PKHD1L1: variants seen among roughly 807,000 people sequenced by gnomAD.
PKHD1L1 encodes the protein fibrocystin-L.
In PKHD1L1, 434 loss-of-function variants were observed where a neutral mutation model predicts 462.9. The observed-to-expected ratio is 0.94, with a 90% confidence interval of 0.87 to 1.02. The LOEUF (loss-of-function observed/expected upper bound fraction) is 1.02, where lower values mean the gene tolerates loss of function less well. Among genes scored for constraint, PKHD1L1 ranks in the 50% least tolerant of loss-of-function variants. The pLI is 0.00. For missense variants in PKHD1L1, 5,202 were observed against 5,096.1 expected, an observed-to-expected ratio of 1.02 and a Z score of -0.63; for synonymous variants, 1,781 against 1,750.0, an observed-to-expected ratio of 1.02 and a Z score of -0.44.
At chr8:109,417,051 A>G (rs1321389450) in intron 21 of PKHD1L1, among the ~76,000 whole-genome samples, 1 of 152,146 alleles carries the variant, frequency 6.6e-6, no homozygotes, top group African/African-American at 2.4e-5. Flanking sequence ...TTTTTAGCCT[A>G]TAATTTGGGA....
chr8:109,400,442 A>G, intron 13 of PKHD1L1, 98 bp downstream of exon 13: 2 of 1,330,720 alleles, frequency 1.5e-6, no homozygotes, highest in Non-Finnish European at 2.0e-6. Context: ...CATTTTTAAA[A>G]TGTATGAGAA....
In PKHD1L1 at chr8:109,515,215, G is replaced by A. The variant is rs540846956; in HGVS notation, c.11599G>A (p.Val3867Ile). Residue 3867 changes from valine (V) to isoleucine (I), a missense_variant, in exon 72 of 78, where the codon GTC (valine) becomes ATC (isoleucine). By Grantham distance (29) the Val-to-Ile change is conservative. This residue lies in a region of PKHD1L1 where 698 missense variants were observed against 736.3 expected (regional missense o/e 0.95). Coordinates refer to ENST00000378402, the MANE Select transcript of PKHD1L1 (RefSeq NM_177531.6). Reference protein sequence around the residue: ...IFFSTLQRLDVYVNNLLVCPK... With the variant: ...IFFSTLQRLDIYVNNLLVCPK... The stretch of plus-strand genomic sequence containing the variant: ...CTTTTCCACACTTCAACGTTTGGAT[G>A]TCTATGTGAACAACTTATTGGTCTG... 2 of 1,604,034 alleles carry A rather than the reference G, an allele frequency of 1.2e-6. No individual in the cohort carries two copies. The highest frequency in any genetic ancestry group is 2.2e-5 in the East Asian group (1 of 44,578).
chr8:109,470,491 C>T, intron 50 of PKHD1L1: 2 of 1,610,086 alleles, frequency 1.2e-6, no homozygotes, highest in African/African-American at 1.3e-5. Flanking sequence ...GGAAGCATCA[C>T]AGCAACTGGC....
At position 109,461,872 on chromosome 8, in the gene PKHD1L1, T is replaced by C. The variant is rs1022420653; in HGVS notation, c.7347T>C (p.Gly2449=). Reference sequence around the variant, plus strand: ...TTATGTTTCATGCTCCTGTACCTGGTGCTAACATGGTAACTGGGAGAATAG... The same window carrying C: ...TTATGTTTCATGCTCCTGTACCTGGCGCTAACATGGTAACTGGGAGAATAG... ...GCVMFHAPVP[G]ANMVTGRIEY... is the part of the protein sequence containing the mutation. Residue 2449 remains glycine (G), a synonymous_variant, in exon 48 of 78, where the codon GGT becomes GGC. Transcript: ENST00000378402. The C allele has an allele frequency of 1.9e-6, 3 of 1,604,830 alleles. No homozygotes were observed. The highest frequency in any genetic ancestry group is 2.6e-6 in the Non-Finnish European group (3 of 1,175,244).
chr8:109,459,037 A>G (rs1816969799), intron 46 of PKHD1L1, among the ~76,000 whole-genome samples: 2 of 152,260 alleles, frequency 1.3e-5, no homozygotes, highest in South Asian at 4.1e-4. Flanking sequence ...GCTTCAACTC[A>G]ATCATTTCTT....
chr8:109,484,828 T>G (rs1006992926), intron 57 of PKHD1L1, among the ~76,000 whole-genome samples: 1 of 151,932 alleles, frequency 6.6e-6, no homozygotes, highest in African/African-American at 2.4e-5. Context: ...TGAATTAAAG[T>G]TAAGAAAATG....
chr8:109,444,859 G>C lies in PKHD1L1; in HGVS notation c.4990G>C (p.Val1664Leu). ...RFVLLPNIDL[V>L]LPNAGSTTGM... ...TGTACTTTTGCCAAACATTGACCTG[G>C]TGTTGCCAAATGCAGGATCAACTAC... The change falls in exon 38 of 78, where the codon GTG becomes CTG. Residue 1664 changes from valine (V) to leucine (L), a missense_variant. Physicochemically the swap from Val to Leu is conservative, Grantham distance 32. Around this residue, in one of 3 missense-constraint regions of PKHD1L1, gnomAD observed 4,497 missense variants for 4,336.8 expected, o/e 1.04. Transcript: ENST00000378402. The C allele has an allele frequency of 6.2e-7, 1 of 1,613,982 alleles. No individual in the cohort carries two copies. The highest frequency in any genetic ancestry group is 8.5e-7 in the Non-Finnish European group (1 of 1,179,880).
intron 50 of PKHD1L1, chr8:109,470,473 G>A: frequency 6.2e-7 from 1 of 1,608,794 alleles, no homozygotes; most frequent in South Asian, 1.1e-5. Context: ...AGCCCAGATA[G>A]CGCTAGAGGA....
At chr8:109,463,650 G>T (rs1817259545) in intron 48 of PKHD1L1, among the ~76,000 whole-genome samples, 1 of 152,098 alleles carries the variant, frequency 6.6e-6, no homozygotes, top group Admixed American at 6.6e-5. Flanking sequence ...GCACAGCAGG[G>T]TGATTAAGAG....
chr8:109,418,997 GA>G, intron 21 of PKHD1L1, 99 bp from the exon 22 acceptor site: 1 of 1,094,762 alleles, frequency 9.1e-7, no homozygotes. Context: ...CGTCTTGTGG[GA>G]AAAAATATTT....
At chr8:109,379,015 G>T (rs140003005) in intron 2 of PKHD1L1, among the ~76,000 whole-genome samples, 4 of 152,132 alleles carry the variant, frequency 2.6e-5, no homozygotes, top group Non-Finnish European at 5.9e-5. Flanking sequence ...CAGTGCTAGC[G>T]CATTGGGCCC....
intron 49 of PKHD1L1, among the ~76,000 whole-genome samples, chr8:109,466,245 C>T (rs1783143): frequency 0.5 from 76,400 of 151,976 alleles, 19,481 homozygotes; most frequent in South Asian, 0.68. Context: ...CTACTAGTTT[C>T]GAGTAAAGGC....
intron 47 of PKHD1L1, among the ~76,000 whole-genome samples, chr8:109,461,381 G>T (rs1347413912): frequency 2.0e-5 from 3 of 152,072 alleles, no homozygotes; most frequent in African/African-American, 7.2e-5. Context: ...ATTTACTATG[G>T]TTGTAAAAAA....
At position 109,515,714 on chromosome 8, in the gene PKHD1L1, A is replaced by T. The variant is rs559011080; in HGVS notation, c.11689+409A>T. 2.0e-5 allele frequency among the ~76,000 whole-genome samples: 3 copies of T among 152,310 alleles called. No individual in the cohort carries two copies. The South Asian group carries it at 6.2e-4, about 32-fold the overall frequency. ...GGCAGTCATAAGAATTATTGCCAAG[A>T]AAGCTAATATAACATCAACTGAAGG... On this transcript the variant is annotated intron_variant, in intron 72 of 77. Coordinates refer to ENST00000378402, the MANE Select transcript of PKHD1L1 (RefSeq NM_177531.6).
intron 15 of PKHD1L1, 82 bp from the exon 16 acceptor site, chr8:109,404,913 T>C: frequency 9.0e-7 from 1 of 1,108,442 alleles, no homozygotes; most frequent in Non-Finnish European, 1.2e-6. Context: ...AGCAATAAAG[T>C]GGCATTGAAT....
At chr8:109,450,861 G>T in intron 40 of PKHD1L1, 114 bp from the exon 41 acceptor site, 2 of 1,063,122 alleles carry the variant, frequency 1.9e-6, no homozygotes, top group Non-Finnish European at 2.7e-6. Flanking sequence ...AGGTATATTG[G>T]AAAAGGAAGA....
intron 32 of PKHD1L1, 42 bp from the exon 33 acceptor site, chr8:109,440,668 A>G: frequency 3.8e-6 from 6 of 1,563,428 alleles, no homozygotes; most frequent in Non-Finnish European, 4.4e-6. Flanking sequence ...AAGATAAATC[A>G]GTAGGAAGCT....
intron 2 of PKHD1L1, among the ~76,000 whole-genome samples, chr8:109,370,553 A>C (rs541172044): frequency 1.7e-4 from 26 of 151,898 alleles, no homozygotes; most frequent in African/African-American, 6.0e-4. Flanking sequence ...ACATGTGCAC[A>C]ACGTGCAGGT....
intron 40 of PKHD1L1, among the ~76,000 whole-genome samples, chr8:109,450,677 T>C (rs1816435858): frequency 6.6e-6 from 1 of 152,184 alleles, no homozygotes; most frequent in South Asian, 2.1e-4. Context: ...TGTTCTAATT[T>C]ACAAAGTTGG....
Sources: gnomAD v4.1 joint callset for allele counts (sites outside exome capture counted in the v4.1 genomes callset) on GRCh38, gnomAD v4.1.1 for gene constraint, gnomAD v4.1.1 regional missense constraint, MANE v1.5 for transcripts, NCBI Gene and HGNC (gene_info 2026-07-23, HGNC 2026-07-21) for gene names.